LRRK1: variants seen among roughly 807,000 people sequenced by gnomAD.
The protein encoded by LRRK1 is leucine rich repeat kinase 1, also known as leucine-rich repeat serine/threonine-protein kinase 1.
In LRRK1, 113 loss-of-function variants were observed where a neutral mutation model predicts 209.1. That is an observed-to-expected ratio of 0.54 (90% CI 0.46 to 0.63). The LOEUF is 0.63. Ranked by LOEUF, LRRK1 falls within the 30% of genes least tolerant of loss-of-function variation. The pLI is 0.00. For missense variants in LRRK1, 2,284 were observed against 2,632.2 expected, an observed-to-expected ratio of 0.87 and a Z score of 2.89; for synonymous variants, 1,144 against 1,099.7, an observed-to-expected ratio of 1.04 and a Z score of -0.80.
At chr15:100,956,545 AG>A (rs893216304) in intron 2 of LRRK1, among the ~76,000 whole-genome samples, 53 of 140,304 alleles carry the variant, frequency 3.8e-4, no homozygotes, top group African/African-American at 1.3e-3. Flanking sequence ...GGCTCACTGC[AG>A]CCTCCACCTC....
At chr15:101,047,357 G>A (rs149489536) in intron 21 of LRRK1, among the ~76,000 whole-genome samples, 114 of 152,342 alleles carry the variant, frequency 7.5e-4, no homozygotes, top group African/African-American at 2.3e-3. Flanking sequence ...AGGAGTGGGC[G>A]CAGGCGCTGG....
intron 4 of LRRK1, among the ~76,000 whole-genome samples, chr15:100,986,382 G>C (rs1245687396): frequency 1.3e-5 from 2 of 152,218 alleles, no homozygotes; most frequent in African/African-American, 4.8e-5. Context: ...GCTGTAGAGA[G>C]TACCTGTAGG....
intron 21 of LRRK1, among the ~76,000 whole-genome samples, chr15:101,047,024 CA>C (rs1204046849): frequency 1.3e-5 from 2 of 152,222 alleles, no homozygotes; most frequent in Admixed American, 6.5e-5. Flanking sequence ...TGAGAAACTC[CA>C]GGGGGAACCC....
chr15:100,927,221 G>A (rs979547469), intron 2 of LRRK1, among the ~76,000 whole-genome samples: 7 of 152,170 alleles, frequency 4.6e-5, no homozygotes, highest in South Asian at 2.1e-4. Flanking sequence ...CCCAGGGACC[G>A]GGGCGCAATG....
chr15:100,988,621 C>T lies in LRRK1; in HGVS notation c.434-13C>T, dbSNP rs1317308142. The T allele has an allele frequency of 6.2e-7, 1 of 1,613,938 alleles. No individual in the cohort carries two copies. On this transcript the variant is annotated splice_polypyrimidine_tract_variant and intron_variant, in intron 4 of 33. Coordinates refer to ENST00000388948, the MANE Select transcript of LRRK1 (RefSeq NM_024652.6). ...CAGTGGCACTTTCCCTTTGTCCTGC[C>T]ATCTCCTGCCAGGTCCCTGCAGTCC...
intron 33 of LRRK1, chr15:101,067,402 C>T (rs74040280): frequency 5.1e-4 from 214 of 423,092 alleles, no homozygotes; most frequent in African/African-American, 2.9e-3. Context: ...ATCTCCCCTA[C>T]GAAAAGTCCT....
chr15:100,996,520 G>C (rs1398537426), intron 6 of LRRK1, among the ~76,000 whole-genome samples: 1 of 152,218 alleles, frequency 6.6e-6, no homozygotes. Context: ...TTGTGTCCTG[G>C]TGAGCAGTTC....
At chr15:100,983,135 AC>A (rs2031695058) in intron 3 of LRRK1, among the ~76,000 whole-genome samples, 1 of 152,216 alleles carries the variant, frequency 6.6e-6, no homozygotes, top group Non-Finnish European at 1.5e-5. Context: ...AGATTGCACT[AC>A]TGCACTCCAG....
intron 6 of LRRK1, among the ~76,000 whole-genome samples, chr15:100,996,095 G>A (rs2032395395): frequency 6.6e-6 from 1 of 152,262 alleles, no homozygotes; most frequent in African/African-American, 2.4e-5. Flanking sequence ...GCTCATGAGA[G>A]TGCCTGATGG....
intron 2 of LRRK1, among the ~76,000 whole-genome samples, chr15:100,966,514 C>G (rs1256334513): frequency 1.3e-5 from 2 of 151,934 alleles, no homozygotes; most frequent in African/African-American, 4.9e-5. Context: ...GCCTAATACT[C>G]ACTATGGTCA....
chr15:100,951,711 G>A (rs1182060954), intron 2 of LRRK1, among the ~76,000 whole-genome samples: 1 of 152,090 alleles, frequency 6.6e-6, no homozygotes, highest in Non-Finnish European at 1.5e-5. Context: ...CAGCACTTTG[G>A]GAGGCCGAGA....
At chr15:100,933,481 G>A (rs2042244699) in intron 2 of LRRK1, among the ~76,000 whole-genome samples, 1 of 152,032 alleles carries the variant, frequency 6.6e-6, no homozygotes, top group Admixed American at 6.6e-5. Flanking sequence ...GATACAGGTT[G>A]CTTATCTTTT....
At chr15:101,035,986 G>C (rs568738657) in intron 20 of LRRK1, among the ~76,000 whole-genome samples, 4 of 152,232 alleles carry the variant, frequency 2.6e-5, no homozygotes, top group Non-Finnish European at 5.9e-5. Flanking sequence ...GGGTCTCTTA[G>C]GTGACTAGAT....
rs779249857 is a variant in LRRK1 at position 100,924,722 on chromosome 15, G to A, written c.90G>A (p.Thr30=). The A allele has an allele frequency of 7.4e-6, 12 of 1,613,552 alleles. No individual in the cohort carries two copies. Among genetic ancestry groups the A allele is most frequent in the South Asian group, 4.4e-5 (4 of 91,062 alleles). The change falls in exon 2 of 34, where the codon ACG becomes ACA. Residue 30 remains threonine (T), a synonymous_variant. Transcript: ENST00000388948. ...TGTGTCCAGAACGTGCCATGGAGACGCTTAACGGTAAGGACAGGGCTGTGC... is the reference window on the plus strand; with the variant it reads ...TGTGTCCAGAACGTGCCATGGAGACACTTAACGGTAAGGACAGGGCTGTGC... ...SAVCPERAME[T]LNGAGDTGGK...
chr15:101,075,464 G>A lies in LRRK1; in HGVS notation c.*6616G>A, dbSNP rs1448031196. On this transcript the variant is annotated 3_prime_UTR_variant, in exon 34 of 34. Transcript: ENST00000388948. ...AAGATACCTCTACTCCCTCCTTGGT[G>A]ACCGATCATGCACCCCTTACCATCT... 25 of 121,708 alleles carry A rather than the reference G, an allele frequency of 2.1e-4. 1 individual carries two copies. The highest frequency in any genetic ancestry group is 1.0e-3 in the East Asian group (5 of 4,876). The allele number at this position is 121,708 out of a possible 1,614,324, so 7.5% of individuals were successfully genotyped here.
intron 21 of LRRK1, 28 bp downstream of exon 21, chr15:101,046,180 C>T: frequency 1.2e-6 from 2 of 1,609,194 alleles, no homozygotes; most frequent in Non-Finnish European, 1.7e-6. Context: ...TCTGCATAGA[C>T]AGATGCCCGA....
chr15:101,057,139 A>C lies in LRRK1; in HGVS notation c.4527+89A>C, dbSNP rs28685106. 8.9e-4 allele frequency: 1,033 copies of C among 1,162,738 alleles called. 9 individuals carry two copies. In the African/African-American group the frequency reaches 0.015, roughly 17 times the overall value. 72.0% of individuals were successfully genotyped at this position (1,162,738 alleles called of 1,614,324 possible). A position where few individuals can be genotyped will look rare whatever the true frequency, so the allele number is the denominator to read the frequency against. Reference sequence around the variant, plus strand: ...CAGGGGGTGTGTGCCTGGCTGCCCAACCATCACCATTGGCAACCCTTCTCT... The same window carrying C: ...CAGGGGGTGTGTGCCTGGCTGCCCACCCATCACCATTGGCAACCCTTCTCT... On this transcript the variant is annotated intron_variant, in intron 28 of 33. Coordinates refer to ENST00000388948, the MANE Select transcript of LRRK1 (RefSeq NM_024652.6).
At chr15:101,013,341 G>C (rs1210695972) in intron 10 of LRRK1, among the ~76,000 whole-genome samples, 1 of 152,226 alleles carries the variant, frequency 6.6e-6, no homozygotes, top group Non-Finnish European at 1.5e-5. Flanking sequence ...ACAGCCTGTG[G>C]CCCTCCTGAG....
At position 101,021,826 on chromosome 15, in the gene LRRK1, T is replaced by G; in HGVS notation, c.1740-19T>G. On this transcript the variant is annotated intron_variant, in intron 13 of 33. Coordinates refer to ENST00000388948, the MANE Select transcript of LRRK1 (RefSeq NM_024652.6). ...TGTGTGTGTGTGTATTCTCTCGTGG[T>G]GGACACATCTGTCTTCAGCAACCCT... 1 of 1,513,468 alleles carries G rather than the reference T, an allele frequency of 6.6e-7. No individual in the cohort carries two copies. Among genetic ancestry groups the G allele is most frequent in the Non-Finnish European group, 9.2e-7 (1 of 1,091,050 alleles). The allele number at this position is 1,513,468 out of a possible 1,614,324, so 93.8% of individuals were successfully genotyped here. A position where few individuals can be genotyped will look rare whatever the true frequency, so the allele number is the denominator to read the frequency against.
Sources: allele counts gnomAD v4.1 joint callset (sites outside exome capture counted in the v4.1 genomes callset), GRCh38; gene constraint gnomAD v4.1.1; transcripts MANE v1.5; gene names NCBI Gene and HGNC (gene_info 2026-07-23, HGNC 2026-07-21).